The following KALRN variants were observed in gnomAD, a reference collection of about 807,000 sequenced individuals.
KALRN encodes kalirin RhoGEF kinase, also known as kalirin.
In KALRN, 70 loss-of-function variants were observed where a neutral mutation model predicts 353.7. That is an observed-to-expected ratio of 0.20 (90% CI 0.16 to 0.24). The LOEUF (loss-of-function observed/expected upper bound fraction) is 0.24, where lower values mean the gene tolerates loss of function less well. Among genes scored for constraint, KALRN ranks in the 10% least tolerant of loss-of-function variants. The pLI is 1.00. For synonymous variants in KALRN, 1,391 were observed against 1,434.8 expected (o/e 0.97, Z 0.69); for missense variants, 2,791 against 3,756.7 (o/e 0.74, Z 6.72).
intron 9 of KALRN, among the ~76,000 whole-genome samples, chr3:124,344,211 CT>C (rs754744516): frequency 1.3e-5 from 2 of 152,178 alleles, no homozygotes; most frequent in Non-Finnish European, 2.9e-5. Context: ...TCAATTTATT[CT>C]TTAACCATTG....
chr3:124,220,524 G>C (rs777449678), intron 1 of KALRN, among the ~76,000 whole-genome samples: 2 of 152,064 alleles, frequency 1.3e-5, no homozygotes, highest in Non-Finnish European at 2.9e-5. Flanking sequence ...AGGAAAGGAG[G>C]GGATGAAAGA....
chr3:124,299,142 C>T (rs113327205), intron 6 of KALRN, among the ~76,000 whole-genome samples: 180 of 152,290 alleles, frequency 1.2e-3, no homozygotes, highest in African/African-American at 4.1e-3. Context: ...GAATGTGTCC[C>T]GGGTTGCAGG....
At chr3:124,406,718 G>C (rs1576651772) in intron 13 of KALRN, among the ~76,000 whole-genome samples, 2 of 152,074 alleles carry the variant, frequency 1.3e-5, no homozygotes, top group African/African-American at 4.8e-5. Context: ...AATCACCTTT[G>C]CTGAGAGACA....
In KALRN at chr3:124,678,287, A is replaced by G; in HGVS notation, c.7291A>G (p.Ile2431Val). The change falls in exon 50 of 60, where the codon ATT (isoleucine) becomes GTT (valine). Residue 2431 changes from isoleucine to valine, a missense_variant. Coordinates refer to ENST00000682506, the MANE Select transcript of KALRN (RefSeq NM_001388419.1). ...EATGPRKPKD[I>V]LGNKVSVKET... ...CACAGGGCCTCGTAAACCCAAGGAT[A>G]TTCTGGGCAACAAAGTCTCTGTTAA... 6.2e-7 allele frequency: 1 copy of G among 1,613,972 alleles called. No individual in the cohort carries two copies. The highest frequency in any genetic ancestry group is 8.5e-7 in the Non-Finnish European group (1 of 1,179,880).
intron 10 of KALRN, among the ~76,000 whole-genome samples, chr3:124,352,963 T>C (rs1348939215): frequency 1.3e-5 from 2 of 152,180 alleles, no homozygotes; most frequent in Admixed American, 1.3e-4. Flanking sequence ...TGTATACCTA[T>C]GTAACAAACC....
chr3:124,359,897 G>T lies in KALRN; in HGVS notation c.1770+12632G>T, dbSNP rs1576273023. Reference sequence around the variant, plus strand: ...GTGGTCTACTTAGCTATGTGGGAAAGAGTAGGCCTGTGCTTTGAGATGGCC... The same window carrying T: ...GTGGTCTACTTAGCTATGTGGGAAATAGTAGGCCTGTGCTTTGAGATGGCC... On this transcript the variant is annotated intron_variant, in intron 10 of 59. Transcript: ENST00000682506. 3.9e-5 allele frequency among the ~76,000 whole-genome samples: 6 copies of T among 152,376 alleles called. No homozygotes were observed. The Middle Eastern group carries it at 0.017, about 432-fold the overall frequency.
chr3:124,432,343 G>T (rs559608651), intron 16 of KALRN, among the ~76,000 whole-genome samples: 2 of 152,308 alleles, frequency 1.3e-5, no homozygotes, highest in East Asian at 1.9e-4. Flanking sequence ...GAACCCAGGA[G>T]GTGGAAGTCG....
intron 34 of KALRN, among the ~76,000 whole-genome samples, chr3:124,587,496 C>T (rs2075313181): frequency 6.6e-6 from 1 of 152,150 alleles, no homozygotes; most frequent in South Asian, 2.1e-4. Context: ...AAGTGAGCTA[C>T]ATTGGGATTT....
rs2073802834 is a variant in KALRN, at chr3:124,573,762, C to T, written c.5182+10673C>T. On this transcript the variant is annotated intron_variant, in intron 34 of 59. Transcript: ENST00000682506. ...CCTACCCTGGGTCCTTTCTACAGTCCACCAACAGCAGGTCCATCTGGCTCC... is the reference window on the plus strand; with the variant it reads ...CCTACCCTGGGTCCTTTCTACAGTCTACCAACAGCAGGTCCATCTGGCTCC... 3.9e-5 allele frequency among the ~76,000 whole-genome samples: 6 copies of T among 152,182 alleles called. No homozygotes were observed. In the South Asian group the frequency reaches 1.2e-3, roughly 32 times the overall value.
intron 8 of KALRN, among the ~76,000 whole-genome samples, chr3:124,332,623 C>G (rs968902882): frequency 6.6e-6 from 1 of 151,944 alleles, no homozygotes; most frequent in Non-Finnish European, 1.5e-5. Flanking sequence ...TATTGATGCC[C>G]GTGATTGTGC....
chr3:124,238,301 G>T (rs1200451336), intron 3 of KALRN, among the ~76,000 whole-genome samples: 1 of 152,156 alleles, frequency 6.6e-6, no homozygotes, highest in African/African-American at 2.4e-5. Flanking sequence ...GAGGGAACAG[G>T]CATGGCCTCT....
intron 1 of KALRN, among the ~76,000 whole-genome samples, chr3:124,116,019 G>T (rs1219675705): frequency 6.6e-6 from 1 of 152,178 alleles, no homozygotes; most frequent in African/African-American, 2.4e-5. Flanking sequence ...CAAATGAAGG[G>T]TATGGTGCAT....
At chr3:124,376,913 T>A (rs1302224476) in intron 10 of KALRN, among the ~76,000 whole-genome samples, 3 of 151,684 alleles carry the variant, frequency 2.0e-5, no homozygotes, top group Non-Finnish European at 4.4e-5. Flanking sequence ...ACAAAAGGAG[T>A]GTATTGCAAA....
Position 124,455,166 on chromosome 3 carries a change from T to TTTG in KALRN, c.3553-9_3553-8insGTT. The stretch of plus-strand genomic sequence containing the variant: ...TGTAATCCAGTAACTTAAGGCCATC[T>TTTG]TTTGGGGCAGCAAACAAAGGAGAAG... On this transcript the variant is annotated splice_polypyrimidine_tract_variant and intron_variant, in intron 21 of 59. Coordinates refer to ENST00000682506, the MANE Select transcript of KALRN (RefSeq NM_001388419.1). 1 of 1,613,972 alleles carries TTTG rather than the reference T, an allele frequency of 6.2e-7. No individual in the cohort carries two copies. The highest frequency in any genetic ancestry group is 8.5e-7 in the Non-Finnish European group (1 of 1,179,878).
chr3:124,660,878 AT>A, intron 43 of KALRN, 44 bp from the exon 44 acceptor site: 1 of 1,388,372 alleles, frequency 7.2e-7, no homozygotes, highest in Non-Finnish European at 1.0e-6. Flanking sequence ...TATTTTACTA[AT>A]TTTACCCCTT....
intron 34 of KALRN, among the ~76,000 whole-genome samples, chr3:124,623,423 C>CAA (rs201509537): frequency 0.021 from 3,140 of 149,320 alleles, 53 homozygotes; most frequent in Middle Eastern, 0.1. Flanking sequence ...CACACACACA[C>CAA]ACACAAAAGG....
chr3:124,364,982 C>T (rs2084482629), intron 10 of KALRN, among the ~76,000 whole-genome samples: 1 of 152,196 alleles, frequency 6.6e-6, no homozygotes, highest in Admixed American at 6.5e-5. Flanking sequence ...CTCAAAAAGT[C>T]ACTTCCTGAA....
In KALRN at chr3:124,634,624, T is replaced by A. The variant is rs541614158; in HGVS notation, c.5568+671T>A. Among the ~76,000 whole-genome samples, 14 of 152,344 alleles carry A rather than the reference T, an allele frequency of 9.2e-5. No individual in the cohort carries two copies. The South Asian group carries it at 1.7e-3, about 18-fold the overall frequency. On this transcript the variant is annotated intron_variant, in intron 36 of 59. Coordinates refer to ENST00000682506, the MANE Select transcript of KALRN (RefSeq NM_001388419.1). ...GTAGGTTAGACGTGCTTCCAGGTAC[T>A]GACCCGAGGCTTGGGGCAGCTTTAT...
At chr3:124,311,064 C>CTTTTTTTTTTTTTTTTTTTTTTTTTTT (rs71145446) in intron 6 of KALRN, among the ~76,000 whole-genome samples, 4 of 67,500 alleles carry the variant, frequency 5.9e-5, no homozygotes, top group Non-Finnish European at 7.9e-5. Context: ...GATACTACTT[C>CTTTTTTTTTTTTTTTTTTTTTTTTTTT]TTTTTTTTTT....
Sources: allele counts gnomAD v4.1 joint callset (sites outside exome capture counted in the v4.1 genomes callset), GRCh38; gene constraint gnomAD v4.1.1; transcripts MANE v1.5; gene names NCBI Gene and HGNC (gene_info 2026-07-23, HGNC 2026-07-21).